TRPM6: variants seen among roughly 807,000 people sequenced by gnomAD.
TRPM6 encodes the protein transient receptor potential cation channel subfamily M member 6.
TRPM6 carries 111 observed loss-of-function variants against 247.6 expected under a neutral mutation model. That is an observed-to-expected ratio of 0.45 (90% CI 0.38 to 0.52). The LOEUF is 0.52. Ranked by LOEUF, TRPM6 falls within the 20% of genes least tolerant of loss-of-function variation. TRPM6 has a pLI of 0.00. For missense variants in TRPM6, 2,126 were observed against 2,421.5 expected (o/e 0.88, Z 2.56); for synonymous variants, 892 against 853.8 (o/e 1.04, Z -0.78).
Position 74,785,872 on chromosome 9 carries a change from A to G in TRPM6, c.2919+2T>C, listed in dbSNP as rs866894103. 6.2e-6 allele frequency: 10 copies of G among 1,614,084 alleles called. No individual in the cohort carries two copies. In the African/African-American group the frequency reaches 6.7e-5, roughly 11 times the overall value. On this transcript the variant is annotated splice_donor_variant, in intron 21 of 38. Coordinates refer to ENST00000360774, the MANE Select transcript of TRPM6 (RefSeq NM_017662.5). LOFTEE classifies it high-confidence loss of function. ...CAGGATATAAAACTAGACTGTACTC[A>G]CCATTTTTGCAATCATGGTCACATA...
At chr9:74,803,041 C>T (rs1828399526) in intron 15 of TRPM6, among the ~76,000 whole-genome samples, 1 of 152,142 alleles carries the variant, frequency 6.6e-6, no homozygotes, top group African/African-American at 2.4e-5. Flanking sequence ...ATAATTACTC[C>T]TTTTAATTTG....
At chr9:74,841,137 T>G (rs17060580) in intron 4 of TRPM6, among the ~76,000 whole-genome samples, 1,634 of 152,314 alleles carry the variant, frequency 0.011, 10 homozygotes, top group Middle Eastern at 0.037. Context: ...AACAAATACT[T>G]TTCACAAAAA....
chr9:74,782,228 T>C, intron 23 of TRPM6, 134 bp downstream of exon 23: 1 of 660,718 alleles, frequency 1.5e-6, no homozygotes, highest in Admixed American at 2.8e-5. Flanking sequence ...TTTATGTGCA[T>C]ATTTCAAAAC....
chr9:74,755,470 T>G lies in TRPM6; in HGVS notation c.4789A>C (p.Ile1597Leu). ...KNTQGLQVPIITVNACSQSDQ... is the reference protein window; with the variant it reads ...KNTQGLQVPILTVNACSQSDQ... ...CTCTGAGAGCAGGCATTGACTGTTATGATCTGGAGAGAAAGACACTTGTTG... is the reference window on the plus strand; with the variant it reads ...CTCTGAGAGCAGGCATTGACTGTTAGGATCTGGAGAGAAAGACACTTGTTG... The change falls in exon 28 of 39, where the codon ATA becomes CTA. Residue 1597 changes from isoleucine (I) to leucine (L), a missense_variant. This residue lies in a region of TRPM6 where 717 missense variants were observed against 715.9 expected (regional missense o/e 1.00). Transcript: ENST00000360774. 3 of 1,614,108 alleles carry G rather than the reference T, an allele frequency of 1.9e-6. No individual in the cohort carries two copies. Among genetic ancestry groups the G allele is most frequent in the Non-Finnish European group, 2.5e-6 (3 of 1,179,976 alleles).
intron 18 of TRPM6, among the ~76,000 whole-genome samples, chr9:74,794,368 C>G (rs894531371): frequency 6.6e-6 from 1 of 151,930 alleles, no homozygotes; most frequent in Non-Finnish European, 1.5e-5. Flanking sequence ...AAAAATGTGA[C>G]TTTTAAGGCC....
At chr9:74,768,348 T>C (rs1826899086) in intron 25 of TRPM6, among the ~76,000 whole-genome samples, 1 of 152,194 alleles carries the variant, frequency 6.6e-6, no homozygotes, top group Non-Finnish European at 1.5e-5. Flanking sequence ...ACTTTTAGTT[T>C]CCTACAATAG....
intron 32 of TRPM6, 136 bp from the exon 33 acceptor site, chr9:74,742,762 A>G (rs1426588878): frequency 5.1e-6 from 4 of 778,196 alleles, no homozygotes; most frequent in Non-Finnish European, 8.6e-6. Context: ...TCAAAAATAT[A>G]ATCTATAATA....
At chr9:74,862,096 GAAAAA>G (rs577562437) in intron 1 of TRPM6, among the ~76,000 whole-genome samples, 5 of 100,544 alleles carry the variant, frequency 5.0e-5, no homozygotes, top group African/African-American at 1.2e-4. Flanking sequence ...AAAACTACCA[GAAAAA>G]AAAAAAAAAA....
intron 15 of TRPM6, among the ~76,000 whole-genome samples, chr9:74,803,118 T>C (rs1230949069): frequency 5.3e-5 from 8 of 152,242 alleles, no homozygotes; most frequent in Admixed American, 6.5e-5. Context: ...TTCATGTTCA[T>C]TGATGATGAC....
At chr9:74,775,058 A>G (rs1243894146) in intron 24 of TRPM6, among the ~76,000 whole-genome samples, 1 of 152,264 alleles carries the variant, frequency 6.6e-6, no homozygotes, top group Non-Finnish European at 1.5e-5. Context: ...GAACTACAGA[A>G]TAAAACCACC....
At chr9:74,878,379 G>T (rs192994529) in intron 1 of TRPM6, among the ~76,000 whole-genome samples, 1 of 152,222 alleles carries the variant, frequency 6.6e-6, no homozygotes, top group Admixed American at 6.5e-5. Flanking sequence ...CCCAAAGACT[G>T]GCACATTCAG....
At position 74,739,895 on chromosome 9, in the gene TRPM6, C is replaced by T. The variant is rs138982418; in HGVS notation, c.5315G>A (p.Arg1772Gln). The T allele has an allele frequency of 8.7e-6, 14 of 1,613,950 alleles. No homozygotes were observed. Among genetic ancestry groups the T allele is most frequent in the East Asian group, 6.7e-5 (3 of 44,872 alleles). ...GRAAMIQVLS[R>Q]EEMDGGLRKA... is the part of the protein sequence containing the mutation. ...ACGGAGGCCCCCATCCATCTCCTCT[C>T]GGGACAATACCTGGATCATTGCCGC... is the stretch of plus-strand genomic sequence containing the variant. Residue 1772 changes from arginine to glutamine, a missense_variant, in exon 34 of 39, where the codon CGA (arginine) becomes CAA (glutamine). Coordinates refer to ENST00000360774, the MANE Select transcript of TRPM6 (RefSeq NM_017662.5).
At chr9:74,801,364 T>C (rs1409670929) in intron 16 of TRPM6, among the ~76,000 whole-genome samples, 1 of 150,120 alleles carries the variant, frequency 6.7e-6, no homozygotes, top group Non-Finnish European at 1.5e-5. Context: ...TGGGAATTTT[T>C]ACATCAAAAT....
intron 23 of TRPM6, among the ~76,000 whole-genome samples, chr9:74,777,376 T>A (rs1288235844): frequency 1.3e-5 from 2 of 152,230 alleles, no homozygotes; most frequent in Admixed American, 1.3e-4. Flanking sequence ...CTGGGGTTGG[T>A]CACTTTGTAT....
intron 27 of TRPM6, among the ~76,000 whole-genome samples, chr9:74,757,586 G>T (rs1017860729): frequency 4.1e-5 from 6 of 146,224 alleles, no homozygotes; most frequent in African/African-American, 7.6e-5. Context: ...AAAAAAAGGA[G>T]GGGAGGGTAG....
chr9:74,729,472 G>A (rs1825448209), intron 37 of TRPM6, among the ~76,000 whole-genome samples: 1 of 152,158 alleles, frequency 6.6e-6, no homozygotes, highest in African/African-American at 2.4e-5. Context: ...ATCTCAGATT[G>A]CCTCTTTGCT....
intron 23 of TRPM6, among the ~76,000 whole-genome samples, chr9:74,779,324 C>G (rs1827334835): frequency 6.6e-6 from 1 of 152,122 alleles, no homozygotes; most frequent in Admixed American, 6.5e-5. Flanking sequence ...ATTATCTGAT[C>G]TATAAAAATA....
In TRPM6 at chr9:74,778,233, C is replaced by T. The variant is rs1248652783; in HGVS notation, c.3210-2157G>A. On this transcript the variant is annotated intron_variant, in intron 23 of 38. Coordinates refer to ENST00000360774, the MANE Select transcript of TRPM6 (RefSeq NM_017662.5). ...TAAGGCTCCAGAAGGAAGGGGTCGC[C>T]CTGCTAGTGACAGAGCTGGGAGTCA... Among the ~76,000 whole-genome samples, 10 of 152,176 alleles carry T rather than the reference C, an allele frequency of 6.6e-5. No individual in the cohort carries two copies. In the South Asian group the frequency reaches 1.9e-3, roughly 28 times the overall value.
rs1828707079 is a variant in TRPM6 at position 74,810,901 on chromosome 9, C to T, written c.1444-33G>A. ...AAAGAACAAAAGGAAGAATTATTCT[C>T]TTTAATTACCATGTGCTGGGGGGTA... On this transcript the variant is annotated intron_variant, in intron 12 of 38. Transcript: ENST00000360774. 3 of 1,572,776 alleles carry T rather than the reference C, an allele frequency of 1.9e-6. 1 individual carries two copies. The South Asian group carries it at 3.3e-5, about 17-fold the overall frequency.
Sources: gnomAD v4.1 joint callset for allele counts (sites outside exome capture counted in the v4.1 genomes callset) on GRCh38, gnomAD v4.1.1 for gene constraint, gnomAD v4.1.1 regional missense constraint, MANE v1.5 for transcripts, NCBI Gene and HGNC (gene_info 2026-07-23, HGNC 2026-07-21) for gene names.